Variants in VPS25 observed in about 807,000 individuals in gnomAD.
The protein encoded by VPS25 is vacuolar protein sorting 25 homolog, also known as vacuolar protein-sorting-associated protein 25.
Under a neutral mutation model 30.3 loss-of-function variants are expected in VPS25, and 21 were observed. That is an observed-to-expected ratio of 0.69 (90% confidence interval 0.49 to 1.00). VPS25 has a LOEUF of 1.00. Among genes scored for constraint, VPS25 ranks in the 50% least tolerant of loss-of-function variants. VPS25 has a pLI of 0.00. For missense variants in VPS25, 156 were observed against 217.2 expected, an observed-to-expected ratio of 0.72 and a Z score of 1.77; for synonymous variants, 101 against 88.1, an observed-to-expected ratio of 1.15 and a Z score of -0.82.
rs764767788 is a variant in VPS25, at chr17:42,773,784, G to T, written c.105G>T (p.Ser35=). 14 of 1,613,966 alleles carry T rather than the reference G, an allele frequency of 8.7e-6. No individual in the cohort carries two copies. Among genetic ancestry groups the T allele is most frequent in the Admixed American group, 3.3e-5 (2 of 59,994 alleles). Residue 35 remains serine, a synonymous_variant, in exon 2 of 6, where the codon TCG becomes TCT. Coordinates refer to ENST00000253794, the MANE Select transcript of VPS25 (RefSeq NM_032353.4). ...AGAAGCAGCTGGCCGCCTGGTGCTC[G>T]CTGGTCCTGTCCTTCTGCCGCCTGC... The part of the protein sequence containing the change: ...TRQKQLAAWC[S]LVLSFCRLHK...
At chr17:42,774,545 G>A in intron 2 of VPS25, 101 bp from the exon 3 acceptor site, 1 of 891,602 alleles carries the variant, frequency 1.1e-6, no homozygotes, top group Non-Finnish European at 1.8e-6. Flanking sequence ...ACATATGTGT[G>A]TGGGAGAGGA....
intron 5 of VPS25, among the ~76,000 whole-genome samples, 160 bp downstream of exon 5, chr17:42,776,480 A>G (rs1024286427): frequency 6.6e-6 from 1 of 151,930 alleles, no homozygotes; most frequent in Non-Finnish European, 1.5e-5. Context: ...CTCCTGCCTC[A>G]GCTTCCTGAG....
chr17:42,775,346 G>A (rs771586235), intron 3 of VPS25, 35 bp from the exon 4 acceptor site: 25 of 1,581,214 alleles, frequency 1.6e-5, no homozygotes, highest in Middle Eastern at 1.7e-4. Context: ...GCCACTGCGC[G>A]CCTGGTTATG....
intron 5 of VPS25, among the ~76,000 whole-genome samples, chr17:42,778,136 C>T (rs567230517): frequency 1.3e-5 from 2 of 152,260 alleles, no homozygotes; most frequent in Admixed American, 1.3e-4. Flanking sequence ...CATCTCCCTG[C>T]AGTATCTTAC....
chr17:42,776,784 T>C (rs1034348781), intron 5 of VPS25, among the ~76,000 whole-genome samples: 3 of 151,720 alleles, frequency 2.0e-5, no homozygotes, highest in African/African-American at 7.3e-5. Context: ...TCTTAACCCA[T>C]GTCCAAGGAT....
chr17:42,773,893 G>C lies in VPS25; in HGVS notation c.199+15G>C. ...CAAGCTACAGCGTATCCTCCCTCAG[G>C]CTCTTCCACAGCCCATACACATGCA... On this transcript the variant is annotated intron_variant, in intron 2 of 5. Coordinates refer to ENST00000253794, the MANE Select transcript of VPS25 (RefSeq NM_032353.4). The C allele has an allele frequency of 5.6e-6, 9 of 1,609,736 alleles. No individual in the cohort carries two copies. The highest frequency in any genetic ancestry group is 7.6e-6 in the Non-Finnish European group (9 of 1,179,298).
chr17:42,774,178 T>C, intron 2 of VPS25: 1 of 305,402 alleles, frequency 3.3e-6, no homozygotes, highest in Non-Finnish European at 6.0e-6. Flanking sequence ...TCTTCCATCC[T>C]TTTCTGTGTG....
At chr17:42,773,619 AGAAAAGACCC>A in intron 1 of VPS25, 91 bp downstream of exon 1, 1 of 1,605,326 alleles carries the variant, frequency 6.2e-7, no homozygotes, top group Non-Finnish European at 8.5e-7. Context: ...GGGGAGGGGG[AGAAAAGACCC>A]GTCGGCCAAC....
Position 42,779,144 on chromosome 17 carries a change from C to A in VPS25, c.*75C>A. 1 of 1,360,818 alleles carries A rather than the reference C, an allele frequency of 7.3e-7. No homozygotes were observed. The highest frequency in any genetic ancestry group is 1.2e-5 in the South Asian group (1 of 80,276). The allele number at this position is 1,360,818 out of a possible 1,614,324, so 84.3% of individuals were successfully genotyped here. A position where few individuals can be genotyped will look rare whatever the true frequency, so the allele number is the denominator to read the frequency against. ...CAAAAGGAGACAGACCCAGTGTCCC[C>A]CAAAGACTGGATCTGTGACTCCACC... On this transcript the variant is annotated 3_prime_UTR_variant, in exon 6 of 6. Coordinates refer to ENST00000253794, the MANE Select transcript of VPS25 (RefSeq NM_032353.4).
In VPS25 at chr17:42,773,879, G is replaced by T; in HGVS notation, c.199+1G>T. 6.2e-7 allele frequency: 1 copy of T among 1,612,154 alleles called. No individual in the cohort carries two copies. The highest frequency in any genetic ancestry group is 8.5e-7 in the Non-Finnish European group (1 of 1,179,782). On this transcript the variant is annotated splice_donor_variant, in intron 2 of 5. Transcript: ENST00000253794. LOFTEE classifies it high-confidence loss of function. ...CTCTTCAACAACGTCAAGCTACAGC[G>T]TATCCTCCCTCAGGCTCTTCCACAG...
chr17:42,773,865 C>T lies in VPS25; in HGVS notation c.186C>T (p.Asn62=), dbSNP rs2054422798. ...CTCAGGAGAGCCCGCTCTTCAACAA[C>T]GTCAAGCTACAGCGTATCCTCCCTC... ...MEAQESPLFN[N]VKLQRKLPVE... The change falls in exon 2 of 6, where the codon AAC becomes AAT. Residue 62 remains asparagine (N), a synonymous_variant. Coordinates refer to ENST00000253794, the MANE Select transcript of VPS25 (RefSeq NM_032353.4). 12 of 1,613,432 alleles carry T rather than the reference C, an allele frequency of 7.4e-6. No individual in the cohort carries two copies. Among genetic ancestry groups the T allele is most frequent in the Non-Finnish European group, 9.3e-6 (11 of 1,179,972 alleles).
Position 42,776,338 on chromosome 17 carries a change from C to T in VPS25, c.418+18C>T. On this transcript the variant is annotated intron_variant, in intron 5 of 5. Coordinates refer to ENST00000253794, the MANE Select transcript of VPS25 (RefSeq NM_032353.4). ...GGATGAGGGTAATGCCTTTCCCTTC[C>T]CACTCATAGTTAATTTTTTGTTTTG... 6.2e-7 allele frequency: 1 copy of T among 1,604,948 alleles called. No homozygotes were observed. The highest frequency in any genetic ancestry group is 8.5e-7 in the Non-Finnish European group (1 of 1,174,500).
At chr17:42,776,419 A>G (rs1013411501) in intron 5 of VPS25, 99 bp downstream of exon 5, 95 of 1,151,724 alleles carry the variant, frequency 8.2e-5, no homozygotes, top group Non-Finnish European at 1.1e-4. Context: ...CTGGAGTGCA[A>G]TGTTGCAATC....
chr17:42,775,334 AAGC>A (rs1311417665), intron 3 of VPS25, 44 bp from the exon 4 acceptor site: 1 of 1,532,030 alleles, frequency 6.5e-7, no homozygotes, highest in Non-Finnish European at 9.0e-7. Flanking sequence ...CCCAAAGTGT[AAGC>A]CACTGCGCGC....
intron 3 of VPS25, 43 bp from the exon 4 acceptor site, chr17:42,775,338 C>T: frequency 6.5e-7 from 1 of 1,546,864 alleles, no homozygotes; most frequent in Non-Finnish European, 8.9e-7. Context: ...AAGTGTAAGC[C>T]ACTGCGCGCC....
chr17:42,776,659 G>A (rs1020702024), intron 5 of VPS25, among the ~76,000 whole-genome samples: 11 of 141,598 alleles, frequency 7.8e-5, no homozygotes, highest in Admixed American at 5.0e-4. Context: ...ACTGTGCCCC[G>A]CCTGTTTTTT....
intron 5 of VPS25, among the ~76,000 whole-genome samples, chr17:42,776,529 A>G (rs1433370728): frequency 6.6e-6 from 1 of 150,890 alleles, no homozygotes. Context: ...CGCCTGGCTA[A>G]TTTTTTGTAT....
Position 42,779,035 on chromosome 17 carries a change from C to CT in VPS25, c.498dup (p.Val167CysfsTer53). 2 of 1,614,096 alleles carry CT rather than the reference C, an allele frequency of 1.2e-6. No individual in the cohort carries two copies. The highest frequency in any genetic ancestry group is 1.7e-6 in the Non-Finnish European group (2 of 1,179,980). ...CAGGAGCACAAGGCCGAGATCATCA[C>CT]TGTCAGCGATGGCCGAGGCGTCAAG... On this transcript the variant is annotated frameshift_variant, in exon 6 of 6. Transcript: ENST00000253794. LOFTEE classifies it high-confidence loss of function.
intron 5 of VPS25, among the ~76,000 whole-genome samples, chr17:42,778,101 G>A (rs1041105713): frequency 2.6e-5 from 4 of 152,144 alleles, no homozygotes; most frequent in Non-Finnish European, 5.9e-5. Flanking sequence ...AAGCAAGCCT[G>A]TCAGGGCTTG....
Sources: gnomAD v4.1 joint callset for allele counts (sites outside exome capture counted in the v4.1 genomes callset) on GRCh38, gnomAD v4.1.1 for gene constraint, MANE v1.5 for transcripts, NCBI Gene and HGNC (gene_info 2026-07-23, HGNC 2026-07-21) for gene names.